OR1J2: variants seen among roughly 807,000 people sequenced by gnomAD.
The protein encoded by OR1J2 is olfactory receptor 1J2.
For missense variants in OR1J2, 304 were observed against 246.1 expected (o/e 1.24, Z -1.57); for synonymous variants, 142 against 99.7 (o/e 1.42, Z -2.52).
the OR1J2 span, among the ~76,000 whole-genome samples, chr9:122,524,083 A>T: frequency 6.6e-6 from 1 of 152,216 alleles, no homozygotes; most frequent in Admixed American, 6.5e-5. Flanking sequence ...CCTCATAATG[A>T]TGTTTTGGTC....
chr9:122,488,861 A>T, the OR1J2 span, among the ~76,000 whole-genome samples: 55 of 114,338 alleles, frequency 4.8e-4, no homozygotes, highest in African/African-American at 1.3e-3. Flanking sequence ...TTCTTTTTTT[A>T]AAATTTATTA....
chr9:122,551,059 G>A, the OR1J2 span, among the ~76,000 whole-genome samples: 1 of 152,168 alleles, frequency 6.6e-6, no homozygotes, highest in Admixed American at 6.5e-5. Context: ...ATTGAGTAAA[G>A]TTTCATGATG....
the OR1J2 span, among the ~76,000 whole-genome samples, chr9:122,474,569 A>G: frequency 3.7e-3 from 560 of 152,308 alleles, 4 homozygotes; most frequent in Non-Finnish European, 6.9e-3. Context: ...ATCAGGATGA[A>G]ATAACTTTTG....
the OR1J2 span, among the ~76,000 whole-genome samples, chr9:122,483,552 A>C: frequency 6.6e-6 from 1 of 152,234 alleles, no homozygotes. Context: ...TTATGGGCAC[A>C]TATATGCAGT....
chr9:122,453,320 T>C, the OR1J2 span, among the ~76,000 whole-genome samples: 1 of 152,206 alleles, frequency 6.6e-6, no homozygotes, highest in African/African-American at 2.4e-5. Context: ...CAAATGCAAG[T>C]TCAGTGAGTT....
At chr9:122,527,031 T>C in the OR1J2 span, 1 of 1,614,174 alleles carries the variant, frequency 6.2e-7, no homozygotes, top group Non-Finnish European at 8.5e-7. Context: ...GGAGATGGTG[T>C]GATGCCGAGT....
the OR1J2 span, among the ~76,000 whole-genome samples, chr9:122,540,849 T>G: frequency 2.0e-3 from 298 of 152,290 alleles, 3 homozygotes; most frequent in East Asian, 0.028. Flanking sequence ...GTAAGTTGGA[T>G]TCCTAGGTAT....
chr9:122,553,256 C>T, the OR1J2 span: 291 of 1,613,700 alleles, frequency 1.8e-4, no homozygotes, highest in Non-Finnish European at 2.3e-4. Context: ...TTTCAGACTT[C>T]CTCCTTCTAG....
chr9:122,560,500 G>A, the OR1J2 span, among the ~76,000 whole-genome samples: 2 of 152,022 alleles, frequency 1.3e-5, no homozygotes, highest in Admixed American at 6.6e-5. Flanking sequence ...CTTCCTTCAG[G>A]AGCTCTTGCA....
At chr9:122,528,007 G>A in the OR1J2 span, among the ~76,000 whole-genome samples, 4 of 152,268 alleles carry the variant, frequency 2.6e-5, no homozygotes, top group African/African-American at 9.6e-5. Flanking sequence ...CAAGGACCCA[G>A]AGCTCATAAA....
At chr9:122,536,916 A>G in the OR1J2 span, among the ~76,000 whole-genome samples, 1 of 152,198 alleles carries the variant, frequency 6.6e-6, no homozygotes, top group African/African-American at 2.4e-5. Context: ...CCACTGATCT[A>G]TATGTCTATT....
At chr9:122,492,104 C>G in the OR1J2 span, among the ~76,000 whole-genome samples, 1 of 151,992 alleles carries the variant, frequency 6.6e-6, no homozygotes, top group East Asian at 1.9e-4. Flanking sequence ...ATCCCATCAC[C>G]CAGGTACTGA....
At chr9:122,574,377 T>G in the OR1J2 span, among the ~76,000 whole-genome samples, 1 of 152,162 alleles carries the variant, frequency 6.6e-6, no homozygotes. Flanking sequence ...TTCATCATGG[T>G]TTTGTGGTAA....
At chr9:122,503,294 T>C in the OR1J2 span, among the ~76,000 whole-genome samples, 172 of 152,308 alleles carry the variant, frequency 1.1e-3, no homozygotes, top group African/African-American at 4.1e-3. Context: ...GTCTGAAAGG[T>C]GTTGAATGTA....
the OR1J2 span, among the ~76,000 whole-genome samples, chr9:122,524,338 A>C: frequency 6.6e-6 from 1 of 152,240 alleles, no homozygotes; most frequent in East Asian, 1.9e-4. Context: ...TGCCCAGTGA[A>C]ACATTTCTCA....
At chr9:122,571,961 C>G in the OR1J2 span, among the ~76,000 whole-genome samples, 1 of 152,174 alleles carries the variant, frequency 6.6e-6, no homozygotes, top group Non-Finnish European at 1.5e-5. Context: ...CCTCACAGTT[C>G]TGCAGAGTTT....
the OR1J2 span, chr9:122,553,881 A>G: frequency 2.5e-6 from 4 of 1,613,036 alleles, no homozygotes; most frequent in Non-Finnish European, 2.5e-6. Flanking sequence ...CTATGTCCGC[A>G]TTTTCTGGGC....
the OR1J2 span, chr9:122,553,777 A>G: frequency 1.6e-4 from 260 of 1,613,946 alleles, no homozygotes; most frequent in South Asian, 3.2e-4. Flanking sequence ...GCTCTCCTGA[A>G]GCTTGCCTGC....
chr9:122,553,380 C>T, the OR1J2 span: 30 of 1,614,138 alleles, frequency 1.9e-5, no homozygotes, highest in Admixed American at 6.7e-5. Context: ...CTCTGACCCA[C>T]ACCTCCATAC....
Sources: allele counts gnomAD v4.1 joint callset (sites outside exome capture counted in the v4.1 genomes callset), GRCh38; gene constraint gnomAD v4.1.1; transcripts MANE v1.5; gene names NCBI Gene and HGNC (gene_info 2026-07-23, HGNC 2026-07-21).